The following MACROD2 variants were observed in gnomAD, a reference collection of about 807,000 sequenced individuals.
MACROD2 encodes ADP-ribose glycohydrolase MACROD2.
Under a neutral mutation model 70.4 loss-of-function variants are expected in MACROD2, and 36 were observed. That is an observed-to-expected ratio of 0.51 (90% CI 0.39 to 0.68). The LOEUF is 0.68. Ranked by LOEUF, MACROD2 falls within the 30% of genes least tolerant of loss-of-function variation. MACROD2 has a pLI of 0.00. For missense variants in MACROD2, 496 were observed against 538.4 expected (o/e 0.92, Z 0.78); for synonymous variants, 172 against 178.8 (o/e 0.96, Z 0.30).
In MACROD2 at chr20:15,363,602, G is replaced by A. The variant is rs369043006; in HGVS notation, c.541-67803G>A. On this transcript the variant is annotated intron_variant, in intron 6 of 17. Coordinates refer to ENST00000684519, the MANE Select transcript of MACROD2 (RefSeq NM_001351661.2). ...AGCTGCACTGTGCATCATTTGACCT[G>A]CACTATATAAACTCTTCTGCAGGCA... 1.4e-4 allele frequency among the ~76,000 whole-genome samples: 22 copies of A among 152,248 alleles called. No homozygotes were observed. In the East Asian group the frequency reaches 3.5e-3, roughly 24 times the overall value.
chr20:15,230,709 G>A (rs2076952665), intron 6 of MACROD2, among the ~76,000 whole-genome samples: 1 of 152,058 alleles, frequency 6.6e-6, no homozygotes, highest in Non-Finnish European at 1.5e-5. Flanking sequence ...TTCCTTACCA[G>A]TAGGCTGAGA....
intron 5 of MACROD2, chr20:14,929,621 C>G (rs957697382): frequency 2.6e-5 from 4 of 152,042 alleles, no homozygotes; most frequent in African/African-American, 9.7e-5. Flanking sequence ...AACCCCTCTC[C>G]CCATCCTGGA....
chr20:15,678,612 G>T (rs1425934755), intron 8 of MACROD2, among the ~76,000 whole-genome samples: 1 of 152,070 alleles, frequency 6.6e-6, no homozygotes, highest in African/African-American at 2.4e-5. Context: ...GCCTGGCAAG[G>T]CCCTATCTTT....
intron 6 of MACROD2, among the ~76,000 whole-genome samples, chr20:15,335,042 A>T (rs2078033478): frequency 1.3e-5 from 2 of 151,728 alleles, no homozygotes; most frequent in South Asian, 4.1e-4. Flanking sequence ...TAAAGCTGGG[A>T]AAGGCTTCAG....
At chr20:15,012,668 T>C (rs2075091840) in intron 5 of MACROD2, among the ~76,000 whole-genome samples, 1 of 152,138 alleles carries the variant, frequency 6.6e-6, no homozygotes, top group Non-Finnish European at 1.5e-5. Flanking sequence ...CAGTTGGTAA[T>C]GGGCTCTGCC....
At chr20:14,250,154 G>T (rs2081999192) in intron 3 of MACROD2, among the ~76,000 whole-genome samples, 1 of 92,414 alleles carries the variant, frequency 1.1e-5, no homozygotes, top group African/African-American at 4.1e-5. Flanking sequence ...TACGTAGGTG[G>T]CTTCATTCTG....
intron 5 of MACROD2, among the ~76,000 whole-genome samples, chr20:14,863,754 A>G (rs1258977161): frequency 2.6e-5 from 4 of 152,112 alleles, no homozygotes; most frequent in Non-Finnish European, 4.4e-5. Flanking sequence ...TTAAAGAGGA[A>G]CTATTATTAT....
chr20:15,960,940 G>A (rs926078807), intron 12 of MACROD2, among the ~76,000 whole-genome samples: 7 of 152,168 alleles, frequency 4.6e-5, no homozygotes, highest in African/African-American at 1.2e-4. Flanking sequence ...GATGTCAGAG[G>A]TGGAGATAGT....
At chr20:14,811,857 G>A (rs1172876856) in intron 5 of MACROD2, among the ~76,000 whole-genome samples, 1 of 152,128 alleles carries the variant, frequency 6.6e-6, no homozygotes, top group African/African-American at 2.4e-5. Flanking sequence ...TTAGAGAAAT[G>A]CAAATCAAAA....
chr20:15,164,986 C>A (rs1430533558), intron 5 of MACROD2, among the ~76,000 whole-genome samples: 3 of 152,008 alleles, frequency 2.0e-5, no homozygotes, highest in Non-Finnish European at 4.4e-5. Context: ...TTACTGAAGT[C>A]ATAACAAACT....
At chr20:14,915,785 C>G (rs2074084543) in intron 5 of MACROD2, among the ~76,000 whole-genome samples, 1 of 152,160 alleles carries the variant, frequency 6.6e-6, no homozygotes, top group African/African-American at 2.4e-5. Flanking sequence ...AAATAAATTA[C>G]TAAACCAATT....
intron 3 of MACROD2, among the ~76,000 whole-genome samples, chr20:14,277,486 C>A (rs2082269701): frequency 6.6e-6 from 1 of 152,012 alleles, no homozygotes; most frequent in Non-Finnish European, 1.5e-5. Flanking sequence ...AAATGGTTTC[C>A]AAAAAGCTAG....
rs545275140 is a variant in MACROD2 at position 14,298,581 on chromosome 20, A to AAG, written c.272-194897_272-194896insGA. ...AAAACTCCACCTCAAAAAAAAAAAA[A>AAG]AAGAAGTGAATTTTTCTTAAGACTA... On this transcript the variant is annotated intron_variant, in intron 3 of 17. Transcript: ENST00000684519. 3.4e-3 allele frequency among the ~76,000 whole-genome samples: 500 copies of AAG among 146,914 alleles called. 14 individuals carry two copies. The highest frequency in any genetic ancestry group is 3.1e-3 in the Non-Finnish European group (205 of 67,024).
chr20:14,082,049 A>T (rs891173095), intron 2 of MACROD2, among the ~76,000 whole-genome samples: 3 of 152,050 alleles, frequency 2.0e-5, no homozygotes, highest in African/African-American at 7.3e-5. Flanking sequence ...TTGAACCTCC[A>T]CTTCAGTCTC....
At chr20:14,927,538 A>G (rs1267246663) in intron 5 of MACROD2, among the ~76,000 whole-genome samples, 1 of 152,204 alleles carries the variant, frequency 6.6e-6, no homozygotes, top group South Asian at 2.1e-4. Flanking sequence ...CATGCAGCTA[A>G]TAGTTTGTGT....
chr20:15,304,871 C>T (rs988624735), intron 6 of MACROD2, among the ~76,000 whole-genome samples: 1 of 152,246 alleles, frequency 6.6e-6, no homozygotes, highest in Non-Finnish European at 1.5e-5. Context: ...TCTGTGTGCC[C>T]TCATGGCAAC....
intron 5 of MACROD2, among the ~76,000 whole-genome samples, chr20:14,688,116 T>C (rs2071023333): frequency 6.6e-6 from 1 of 152,172 alleles, no homozygotes; most frequent in South Asian, 2.1e-4. Flanking sequence ...ACTGTTTGGG[T>C]CATTTTTCCT....
intron 10 of MACROD2, among the ~76,000 whole-genome samples, chr20:15,894,537 A>G (rs1006392089): frequency 1.3e-5 from 2 of 152,192 alleles, no homozygotes; most frequent in African/African-American, 4.8e-5. Flanking sequence ...GAGAGACACA[A>G]GATGGAACTG....
chr20:14,258,250 C>T (rs1339808657), intron 3 of MACROD2, among the ~76,000 whole-genome samples: 2 of 152,036 alleles, frequency 1.3e-5, no homozygotes, highest in Non-Finnish European at 2.9e-5. Flanking sequence ...GGGTAGATGC[C>T]CAGTAGTGGG....
Sources: allele counts gnomAD v4.1 joint callset (sites outside exome capture counted in the v4.1 genomes callset), GRCh38; gene constraint gnomAD v4.1.1; transcripts MANE v1.5; gene names NCBI Gene and HGNC (gene_info 2026-07-23, HGNC 2026-07-21).